Variants in DOC2B observed in about 807,000 individuals in gnomAD.
DOC2B encodes double C2-like domain-containing protein beta.
DOC2B carries 21 observed loss-of-function variants against 28.9 expected under a neutral mutation model. That is an observed-to-expected ratio of 0.73 (90% CI 0.52 to 1.05). DOC2B has a LOEUF of 1.05. Ranked by LOEUF, DOC2B falls within the 50% of genes least tolerant of loss-of-function variation. The pLI is 0.00. For missense variants in DOC2B, 384 were observed against 421.1 expected, an observed-to-expected ratio of 0.91 and a Z score of 0.77; for synonymous variants, 194 against 178.1, an observed-to-expected ratio of 1.09 and a Z score of -0.71.
intron 3 of DOC2B, 39 bp downstream of exon 3, chr17:164,091 G>T: frequency 2.0e-6 from 3 of 1,473,296 alleles, no homozygotes; most frequent in Non-Finnish European, 2.8e-6. Context: ...GGTGGTGGGC[G>T]GGTGCAGCTG....
Position 143,606 on chromosome 17 carries a change from CA to C in DOC2B, c.*3834del. The stretch of plus-strand genomic sequence containing the variant: ...CAAGCAATTCTCCCACCTCGACCTC[CA>C]AAAGTGCTAGGACTTACAGGCGTGA... On this transcript the variant is annotated 3_prime_UTR_variant, in exon 9 of 9. Transcript: ENST00000613549. 1 of 152,364 alleles carries C rather than the reference CA, an allele frequency of 6.6e-6. No individual in the cohort carries two copies. The highest frequency in any genetic ancestry group is 1.5e-5 in the Non-Finnish European group (1 of 68,094). 9.4% of individuals were successfully genotyped at this position (152,364 alleles called of 1,614,324 possible). A position where few individuals can be genotyped will look rare whatever the true frequency, so the allele number is the denominator to read the frequency against.
chr17:157,252 G>A (rs1044678646), intron 5 of DOC2B, among the ~76,000 whole-genome samples: 2 of 152,302 alleles, frequency 1.3e-5, no homozygotes, highest in Non-Finnish European at 1.5e-5. Context: ...TTAATCCACA[G>A]CTCCAGCACC....
chr17:170,554 G>A (rs1377814883), intron 2 of DOC2B, among the ~76,000 whole-genome samples: 4 of 152,118 alleles, frequency 2.6e-5, no homozygotes, highest in East Asian at 1.9e-4. Flanking sequence ...GTGGGAAGCC[G>A]CTGGATCTGA....
At position 144,598 on chromosome 17, in the gene DOC2B, G is replaced by C. The variant is rs1274618950; in HGVS notation, c.*2843C>G. On this transcript the variant is annotated 3_prime_UTR_variant, in exon 9 of 9. Transcript: ENST00000613549. ...AAGACAATCTGCACGGGATCTAAAA[G>C]GGTGCTGAGATCCTAGGGAAGGAAG... 6.6e-6 allele frequency: 1 copy of C among 152,242 alleles called. No individual in the cohort carries two copies. The highest frequency in any genetic ancestry group is 2.4e-5 in the African/African-American group (1 of 41,454). 9.4% of individuals were successfully genotyped at this position (152,242 alleles called of 1,614,324 possible).
At chr17:149,303 C>T in intron 6 of DOC2B, 111 bp from the exon 7 acceptor site, 1 of 398,058 alleles carries the variant, frequency 2.5e-6, no homozygotes. Flanking sequence ...TTCCTGGGCC[C>T]TTCTTTTGTC....
intron 2 of DOC2B, among the ~76,000 whole-genome samples, chr17:165,724 G>A (rs1177632377): frequency 3.9e-5 from 6 of 152,136 alleles, no homozygotes; most frequent in Non-Finnish European, 8.8e-5. Context: ...GGCCCAACAC[G>A]TGCTCAAGGT....
intron 6 of DOC2B, among the ~76,000 whole-genome samples, chr17:151,185 G>A (rs780099872): frequency 3.7e-4 from 56 of 152,252 alleles, no homozygotes; most frequent in Non-Finnish European, 7.2e-4. Flanking sequence ...GTGGGAAGAT[G>A]CTTGAGCCCA....
chr17:172,329 G>A (rs1305621435), intron 2 of DOC2B, among the ~76,000 whole-genome samples: 3 of 152,180 alleles, frequency 2.0e-5, no homozygotes, highest in South Asian at 4.2e-4. Context: ...TTTGCTCCCC[G>A]CAATGCCTGA....
intron 5 of DOC2B, among the ~76,000 whole-genome samples, chr17:158,007 G>A (rs552048849): frequency 2.2e-4 from 33 of 152,180 alleles, no homozygotes; most frequent in Non-Finnish European, 4.0e-4. Context: ...TGCTGGATGT[G>A]GCTCCCTCAG....
chr17:152,687 G>A (rs2040085467), intron 6 of DOC2B, among the ~76,000 whole-genome samples: 1 of 152,192 alleles, frequency 6.6e-6, no homozygotes, highest in Non-Finnish European at 1.5e-5. Context: ...GGGAAGGACT[G>A]CTTGAGCCCA....
At chr17:156,412 C>G in intron 5 of DOC2B, 35 bp from the exon 6 acceptor site, 1 of 1,543,848 alleles carries the variant, frequency 6.5e-7, no homozygotes, top group Non-Finnish European at 8.7e-7. Flanking sequence ...TCCTCACCTG[C>G]TCCCACCCCT....
In DOC2B at chr17:161,296, C is replaced by T. The variant is rs143933994; in HGVS notation, c.765+119G>A. 524 of 1,092,380 alleles carry T rather than the reference C, an allele frequency of 4.8e-4. 1 individual carries two copies. The highest frequency in any genetic ancestry group is 1.2e-3 in the Middle Eastern group (5 of 4,242). The allele number at this position is 1,092,380 out of a possible 1,614,324, so 67.7% of individuals were successfully genotyped here. On this transcript the variant is annotated intron_variant, in intron 5 of 8. Transcript: ENST00000613549. ...CCTTGACTCTCCATGCTCACCTCCCCGGTCTCCCCTCCCCTCTCACTCTGC... is the reference window on the plus strand; with the variant it reads ...CCTTGACTCTCCATGCTCACCTCCCTGGTCTCCCCTCCCCTCTCACTCTGC...
At chr17:172,832 G>T (rs2040327974) in intron 1 of DOC2B, among the ~76,000 whole-genome samples, 1 of 152,194 alleles carries the variant, frequency 6.6e-6, no homozygotes, top group South Asian at 2.1e-4. Context: ...TCCAGAGGAG[G>T]AGCTGAGACC....
chr17:164,918 G>A (rs1033863059), intron 2 of DOC2B, among the ~76,000 whole-genome samples: 4 of 152,248 alleles, frequency 2.6e-5, no homozygotes, highest in African/African-American at 7.2e-5. Flanking sequence ...GGGTGCAGCC[G>A]GCAACCCCAG....
At chr17:154,032 C>T (rs574426675) in intron 6 of DOC2B, among the ~76,000 whole-genome samples, 169 of 152,308 alleles carry the variant, frequency 1.1e-3, no homozygotes, top group Non-Finnish European at 1.9e-3. Flanking sequence ...AAATAGAGTC[C>T]TGCAACACGT....
chr17:152,281 G>C (rs138134547), intron 6 of DOC2B, among the ~76,000 whole-genome samples: 27 of 152,206 alleles, frequency 1.8e-4, no homozygotes, highest in African/African-American at 6.3e-4. Flanking sequence ...AGGAGCGACC[G>C]CACAGGCTGC....
intron 1 of DOC2B, among the ~76,000 whole-genome samples, chr17:174,086 G>A (rs1250653019): frequency 6.6e-6 from 1 of 152,210 alleles, no homozygotes; most frequent in Non-Finnish European, 1.5e-5. Flanking sequence ...CAGGGAAATT[G>A]GCTAATGAAA....
chr17:176,620 AAGGAG>A (rs1224521622), intron 1 of DOC2B, among the ~76,000 whole-genome samples: 3 of 152,012 alleles, frequency 2.0e-5, no homozygotes, highest in Non-Finnish European at 4.4e-5. Context: ...GCTCTAGGGG[AAGGAG>A]AGTGGGGGCT....
intron 5 of DOC2B, among the ~76,000 whole-genome samples, chr17:160,213 A>G (rs2040185339): frequency 6.6e-6 from 1 of 151,910 alleles, no homozygotes; most frequent in Non-Finnish European, 1.5e-5. Context: ...CGAACTCTTG[A>G]CCTCATGACC....
Sources: allele counts gnomAD v4.1 joint callset (sites outside exome capture counted in the v4.1 genomes callset), GRCh38; gene constraint gnomAD v4.1.1; transcripts MANE v1.5; gene names NCBI Gene and HGNC (gene_info 2026-07-23, HGNC 2026-07-21).